Variants in DOCK2 observed in about 807,000 individuals in gnomAD.
The protein encoded by DOCK2 is dedicator of cytokinesis 2.
DOCK2 carries 87 observed loss-of-function variants against 248.9 expected under a neutral mutation model. The ratio of observed to expected loss-of-function variants is 0.35; its 90% CI spans 0.29 to 0.42. The LOEUF is 0.42. Ranked by LOEUF, DOCK2 falls within the 10% of genes least tolerant of loss-of-function variation. The probability of loss-of-function intolerance (pLI) is 1.00; values close to 1 mark genes in which losing one functional copy is unlikely to be tolerated. For synonymous variants in DOCK2, 805 were observed against 821.6 expected (o/e 0.98, Z 0.35); for missense variants, 1,747 against 2,300.2 (o/e 0.76, Z 4.92).
chr5:169,844,156 A>G (rs1770164499), intron 27 of DOCK2, among the ~76,000 whole-genome samples: 1 of 152,208 alleles, frequency 6.6e-6, no homozygotes, highest in Non-Finnish European at 1.5e-5. Flanking sequence ...CATAATGAGA[A>G]AAACCTGGAA....
intron 36 of DOCK2, among the ~76,000 whole-genome samples, chr5:170,039,315 G>T (rs144802646): frequency 6.6e-6 from 1 of 152,228 alleles, no homozygotes; most frequent in South Asian, 2.1e-4. Context: ...TGGATAAAGC[G>T]TGCTCTCCTA....
At chr5:169,886,340 A>G (rs984343758) in intron 27 of DOCK2, among the ~76,000 whole-genome samples, 1 of 152,206 alleles carries the variant, frequency 6.6e-6, no homozygotes, top group African/African-American at 2.4e-5. Flanking sequence ...GTTGCTTTAC[A>G]TAAAAATTCC....
intron 6 of DOCK2, among the ~76,000 whole-genome samples, chr5:169,678,146 GTA>G (rs895688413): frequency 3.3e-5 from 5 of 152,018 alleles, no homozygotes; most frequent in African/African-American, 1.2e-4. Context: ...GAGTAAGAGA[GTA>G]TATGTTAGAA....
At chr5:169,741,610 G>A (rs776284718) in intron 22 of DOCK2, among the ~76,000 whole-genome samples, 6 of 152,084 alleles carry the variant, frequency 3.9e-5, no homozygotes, top group Non-Finnish European at 8.8e-5. Flanking sequence ...TGGCTCAGGG[G>A]AAGGAACACC....
chr5:169,992,874 G>C (rs1162058390), intron 29 of DOCK2, among the ~76,000 whole-genome samples: 1 of 152,184 alleles, frequency 6.6e-6, no homozygotes, highest in Non-Finnish European at 1.5e-5. Context: ...CCAGTGTGTG[G>C]CTATGAAAGA....
intron 27 of DOCK2, among the ~76,000 whole-genome samples, chr5:169,859,582 A>G (rs1771069078): frequency 6.6e-6 from 1 of 152,246 alleles, no homozygotes; most frequent in Non-Finnish European, 1.5e-5. Context: ...AGCCTTTTCA[A>G]GTGAAGGTTA....
At chr5:169,962,773 G>A (rs1057079905) in intron 27 of DOCK2, among the ~76,000 whole-genome samples, 1 of 152,188 alleles carries the variant, frequency 6.6e-6, no homozygotes, top group Non-Finnish European at 1.5e-5. Flanking sequence ...AAGGGGAAGA[G>A]AGCACTTTCT....
At chr5:169,868,613 C>T (rs1431866672) in intron 27 of DOCK2, among the ~76,000 whole-genome samples, 1 of 152,062 alleles carries the variant, frequency 6.6e-6, no homozygotes, top group Non-Finnish European at 1.5e-5. Context: ...AAAAAATTAG[C>T]CATGTGTGGT....
chr5:169,968,321 TA>T (rs1777375919), intron 27 of DOCK2, among the ~76,000 whole-genome samples: 1 of 152,180 alleles, frequency 6.6e-6, no homozygotes, highest in Non-Finnish European at 1.5e-5. Context: ...GCAGTCCTTT[TA>T]ACCTCTTTGA....
At chr5:169,681,037 A>G (rs893675471) in intron 6 of DOCK2, among the ~76,000 whole-genome samples, 3 of 147,872 alleles carry the variant, frequency 2.0e-5, no homozygotes, top group Non-Finnish European at 4.4e-5. Context: ...ACTATATAAT[A>G]TTTTAAAAGG....
At chr5:170,044,674 A>G (rs1303070825) in intron 38 of DOCK2, among the ~76,000 whole-genome samples, 1 of 152,154 alleles carries the variant, frequency 6.6e-6, no homozygotes, top group Non-Finnish European at 1.5e-5. Flanking sequence ...AAGCATTTTT[A>G]TGCTGCTTGC....
chr5:169,892,442 T>C (rs1164620969), intron 27 of DOCK2, among the ~76,000 whole-genome samples: 1 of 152,242 alleles, frequency 6.6e-6, no homozygotes, highest in African/African-American at 2.4e-5. Context: ...CTAATGTCAA[T>C]CCAGGTTCTC....
intron 22 of DOCK2, among the ~76,000 whole-genome samples, chr5:169,724,662 C>A (rs1046290593): frequency 2.0e-5 from 3 of 152,198 alleles, no homozygotes. Flanking sequence ...CTTACCTCAC[C>A]CAGGGCCAGA....
rs546791834 is a variant in DOCK2, at chr5:169,945,821, C to T, written c.2800-37247C>T. 1.8e-4 allele frequency among the ~76,000 whole-genome samples: 27 copies of T among 152,346 alleles called. 1 individual carries two copies. In the East Asian group the frequency reaches 5.2e-3, roughly 29 times the overall value. ...TTTGCTTATTGTTTGGATTCGCCCA[C>T]GGCCTCCGTCCTTTGTGCAGCCTGA... On this transcript the variant is annotated intron_variant, in intron 27 of 51. Coordinates refer to ENST00000520908, the MANE Select transcript of DOCK2 (RefSeq NM_004946.3).
intron 27 of DOCK2, among the ~76,000 whole-genome samples, chr5:169,917,664 T>C (rs748373211): frequency 6.6e-6 from 1 of 152,088 alleles, no homozygotes; most frequent in Non-Finnish European, 1.5e-5. Context: ...CAGACATGCA[T>C]AGAAAGAGAA....
chr5:169,693,174 AAGG>A (rs1760406686), intron 9 of DOCK2, among the ~76,000 whole-genome samples: 1 of 152,116 alleles, frequency 6.6e-6, no homozygotes, highest in Non-Finnish European at 1.5e-5. Context: ...ATTATGAAGG[AAGG>A]AGGATTCAAG....
chr5:169,941,152 A>T (rs540261221), intron 27 of DOCK2, among the ~76,000 whole-genome samples: 2 of 152,164 alleles, frequency 1.3e-5, no homozygotes, highest in Non-Finnish European at 2.9e-5. Flanking sequence ...AGAGCAGATA[A>T]CAAGGATCCC....
chr5:170,008,608 T>A lies in DOCK2; in HGVS notation c.3173+11T>A. The A allele has an allele frequency of 1.2e-6, 2 of 1,614,050 alleles. No homozygotes were observed. Among genetic ancestry groups the A allele is most frequent in the Non-Finnish European group, 1.7e-6 (2 of 1,179,946 alleles). On this transcript the variant is annotated intron_variant, in intron 31 of 51. Transcript: ENST00000520908. ...CAAAATCCTGAATAAGTAGGTTGCA[T>A]TTTTGGATTTCCTGAAGAGGGGGAG...
intron 26 of DOCK2, among the ~76,000 whole-genome samples, chr5:169,817,324 C>T (rs574527316): frequency 6.6e-6 from 1 of 152,204 alleles, no homozygotes; most frequent in Non-Finnish European, 1.5e-5. Flanking sequence ...TGTTATTTCT[C>T]TTTTCAACTG....
Sources: allele counts gnomAD v4.1 joint callset (sites outside exome capture counted in the v4.1 genomes callset), GRCh38; gene constraint gnomAD v4.1.1; transcripts MANE v1.5; gene names NCBI Gene and HGNC (gene_info 2026-07-23, HGNC 2026-07-21).